Variants in CD86 observed in about 807,000 individuals in gnomAD.
CD86 encodes the protein CD86 molecule, also known as T-lymphocyte activation antigen CD86.
Under a neutral mutation model 32.1 loss-of-function variants are expected in CD86, and 11 were observed. That is an observed-to-expected ratio of 0.34 (90% CI 0.22 to 0.57). CD86 has a LOEUF of 0.57. Ranked by LOEUF, CD86 falls within the 20% of genes least tolerant of loss-of-function variation. The probability of loss-of-function intolerance (pLI) is 0.86; values close to 1 mark genes in which losing one functional copy is unlikely to be tolerated. For synonymous variants in CD86, 137 were observed against 135.3 expected, an observed-to-expected ratio of 1.01 and a Z score of -0.09; for missense variants, 359 against 398.4, an observed-to-expected ratio of 0.90 and a Z score of 0.84.
At chr3:122,096,812 C>T (rs986877805) in intron 2 of CD86, among the ~76,000 whole-genome samples, 9 of 152,236 alleles carry the variant, frequency 5.9e-5, no homozygotes, top group African/African-American at 1.9e-4. Context: ...TTCTGTTTCA[C>T]AGCTACATGG....
chr3:122,117,567 C>A (rs148448275), intron 5 of CD86, among the ~76,000 whole-genome samples: 2 of 152,374 alleles, frequency 1.3e-5, no homozygotes, highest in African/African-American at 4.8e-5. Context: ...TTTGTGAGGT[C>A]TAGCTGGCTA....
intron 2 of CD86, among the ~76,000 whole-genome samples, chr3:122,101,503 A>ATATATATAT (rs2073001182): frequency 2.5e-5 from 1 of 40,274 alleles, no homozygotes; most frequent in African/African-American, 7.7e-5. Context: ...CAGAAAAAAA[A>ATATATATAT]AAAAAAAAAA....
intron 1 of CD86, among the ~76,000 whole-genome samples, chr3:122,088,661 A>G (rs1284030156): frequency 6.6e-6 from 1 of 152,218 alleles, no homozygotes; most frequent in African/African-American, 2.4e-5. Flanking sequence ...CTTATCACAG[A>G]ATATGAGAAT....
intron 1 of CD86, 39 bp downstream of exon 1, chr3:122,055,542 G>C: frequency 6.2e-7 from 1 of 1,602,634 alleles, no homozygotes. Flanking sequence ...GAAGTTATGA[G>C]TTGTGACTGC....
rs55891689 is a variant in CD86 at position 122,077,961 on chromosome 3, C to G, written c.15-13640C>G. On this transcript the variant is annotated intron_variant, in intron 1 of 6. Coordinates refer to ENST00000330540, the MANE Select transcript of CD86 (RefSeq NM_175862.5). ...ACTCCTTTTGGTTTATTCTTACCAC[C>G]TTGCTTCTGTGTTCCTTGGGAATGC... is the stretch of plus-strand genomic sequence containing the variant. 5.4e-4 allele frequency: 530 copies of G among 985,580 alleles called. 2 individuals carry two copies. The African/African-American group carries it at 8.8e-3, about 16-fold the overall frequency. The allele number at this position is 985,580 out of a possible 1,614,324, so 61.1% of individuals were successfully genotyped here.
At chr3:122,081,949 G>A (rs1296912442) in intron 1 of CD86, among the ~76,000 whole-genome samples, 1 of 152,154 alleles carries the variant, frequency 6.6e-6, no homozygotes, top group Non-Finnish European at 1.5e-5. Context: ...TCCTTTAAAT[G>A]TACCATATTG....
rs1479613824 is a variant in CD86, at chr3:122,103,575, C to A, written c.128C>A (p.Ala43Glu). 1 of 1,613,778 alleles carries A rather than the reference C, an allele frequency of 6.2e-7. No homozygotes were observed. The highest frequency in any genetic ancestry group is 1.3e-5 in the African/African-American group (1 of 74,880). ...NETADLPCQF[A>E]NSQNQSLSEL... ...ACTGCAGACCTGCCATGCCAATTTGCAAACTCTCAAAACCAAAGCCTGAGT... is the reference window on the plus strand; with the variant it reads ...ACTGCAGACCTGCCATGCCAATTTGAAAACTCTCAAAACCAAAGCCTGAGT... The change falls in exon 3 of 7, where the codon GCA becomes GAA. Residue 43 changes from alanine (A) to glutamate (E), a missense_variant. Transcript: ENST00000330540.
intron 2 of CD86, 170 bp downstream of exon 2, chr3:122,091,820 T>G: frequency 1.6e-6 from 1 of 624,670 alleles, no homozygotes; most frequent in East Asian, 2.7e-5. Flanking sequence ...GTGTTATGAT[T>G]GAGAGCAGCT....
intron 1 of CD86, among the ~76,000 whole-genome samples, chr3:122,062,191 A>G (rs956316075): frequency 6.6e-6 from 1 of 152,182 alleles, no homozygotes; most frequent in Non-Finnish European, 1.5e-5. Context: ...AACAATTTAT[A>G]TGGATTTTGG....
chr3:122,055,402 C>A lies in CD86; in HGVS notation c.-88C>A. ...AGGCTTGCACAGGGTGAAAGCTTTG[C>A]TTCTCTGCTGCTGTAACAGGGACTA... On this transcript the variant is annotated 5_prime_UTR_variant, in exon 1 of 7. Coordinates refer to ENST00000330540, the MANE Select transcript of CD86 (RefSeq NM_175862.5). The A allele has an allele frequency of 2.2e-6, 3 of 1,340,568 alleles. No homozygotes were observed. Among genetic ancestry groups the A allele is most frequent in the Admixed American group, 1.7e-5 (1 of 59,304 alleles). 83.0% of individuals were successfully genotyped at this position (1,340,568 alleles called of 1,614,324 possible).
At chr3:122,088,217 A>G (rs2107524116) in intron 1 of CD86, among the ~76,000 whole-genome samples, 1 of 142,590 alleles carries the variant, frequency 7.0e-6, no homozygotes, top group African/African-American at 2.7e-5. Context: ...TAGCCAGCCT[A>G]ATGAGTAGGA....
intron 1 of CD86, among the ~76,000 whole-genome samples, chr3:122,080,847 C>T (rs991451356): frequency 6.6e-6 from 1 of 152,144 alleles, no homozygotes; most frequent in African/African-American, 2.4e-5. Flanking sequence ...CCAGTCATGT[C>T]CTCTGTCCAC....
intron 4 of CD86, among the ~76,000 whole-genome samples, chr3:122,108,643 T>C (rs2073126743): frequency 6.6e-6 from 1 of 152,198 alleles, no homozygotes; most frequent in African/African-American, 2.4e-5. Context: ...AAGTAGTTCC[T>C]GAAGGCGTGA....
chr3:122,103,866 G>A lies in CD86; in HGVS notation c.400+19G>A. 1 of 1,585,006 alleles carries A rather than the reference G, an allele frequency of 6.3e-7. No homozygotes were observed. ...GTGCTTGGTATGTGGTCAATGGTGT[G>A]TGTTCAGATTCTTAGCCTTCTCAGA... On this transcript the variant is annotated intron_variant, in intron 3 of 6. Coordinates refer to ENST00000330540, the MANE Select transcript of CD86 (RefSeq NM_175862.5).
chr3:122,117,353 C>T (rs2073270541), intron 5 of CD86, among the ~76,000 whole-genome samples: 1 of 152,180 alleles, frequency 6.6e-6, no homozygotes, highest in Non-Finnish European at 1.5e-5. Flanking sequence ...TTCAAGAATG[C>T]TCTATTTAGT....
intron 5 of CD86, among the ~76,000 whole-genome samples, chr3:122,116,220 G>A (rs914658575): frequency 1.3e-5 from 2 of 152,148 alleles, no homozygotes; most frequent in African/African-American, 4.8e-5. Context: ...CACAGACAGG[G>A]AGAAAACGTT....
At chr3:122,062,959 T>A (rs1426009243) in intron 1 of CD86, among the ~76,000 whole-genome samples, 6 of 152,182 alleles carry the variant, frequency 3.9e-5, no homozygotes, top group Non-Finnish European at 8.8e-5. Context: ...TAGAAGTTGC[T>A]ATAGTAGACC....
intron 1 of CD86, among the ~76,000 whole-genome samples, chr3:122,078,527 G>T (rs1029211693): frequency 1.3e-5 from 2 of 152,052 alleles, no homozygotes; most frequent in African/African-American, 4.8e-5. Flanking sequence ...TCCCTTCTCT[G>T]GTCCAGAGAC....
intron 1 of CD86, among the ~76,000 whole-genome samples, chr3:122,069,000 T>C (rs971701498): frequency 6.6e-6 from 1 of 152,186 alleles, no homozygotes; most frequent in African/African-American, 2.4e-5. Flanking sequence ...GGGGAAAACT[T>C]TTCTTAGTTG....
Sources: gnomAD v4.1 joint callset for allele counts (sites outside exome capture counted in the v4.1 genomes callset) on GRCh38, gnomAD v4.1.1 for gene constraint, MANE v1.5 for transcripts, NCBI Gene and HGNC (gene_info 2026-07-23, HGNC 2026-07-21) for gene names.